PCDHGB7: variants seen among roughly 807,000 people sequenced by gnomAD.
PCDHGB7 encodes the protein protocadherin gamma subfamily B, 7, also known as protocadherin gamma-B7.
In PCDHGB7, 37 loss-of-function variants were observed where a neutral mutation model predicts 61.4. The ratio of observed to expected loss-of-function variants is 0.60; its 90% CI spans 0.46 to 0.79. The LOEUF (loss-of-function observed/expected upper bound fraction) is 0.79, where lower values mean the gene tolerates loss of function less well. Among genes scored for constraint, PCDHGB7 ranks in the 30% least tolerant of loss-of-function variants. The pLI is 0.00. For missense variants in PCDHGB7, 1,166 were observed against 1,202.5 expected, an observed-to-expected ratio of 0.97 and a Z score of 0.45; for synonymous variants, 464 against 503.5, an observed-to-expected ratio of 0.92 and a Z score of 1.05.
chr5:141,456,140 G>A (rs1032104368), intron 1 of PCDHGB7, among the ~76,000 whole-genome samples: 38 of 152,022 alleles, frequency 2.5e-4, no homozygotes, highest in African/African-American at 8.7e-4. Flanking sequence ...CTCCTGATCC[G>A]CCCGCCTCGG....
intron 1 of PCDHGB7, chr5:141,423,372 C>G: frequency 6.2e-7 from 1 of 1,614,178 alleles, no homozygotes; most frequent in Non-Finnish European, 8.5e-7. Context: ...TGCTGGCACT[C>G]AGGCTGTGGC....
chr5:141,425,401 T>C (rs1280463432), intron 1 of PCDHGB7, among the ~76,000 whole-genome samples: 1 of 152,234 alleles, frequency 6.6e-6, no homozygotes, highest in Non-Finnish European at 1.5e-5. Context: ...AAAGTTCTGT[T>C]AAGGTATAAC....
intron 1 of PCDHGB7, among the ~76,000 whole-genome samples, chr5:141,452,300 T>C (rs886540131): frequency 2.0e-5 from 3 of 152,194 alleles, no homozygotes; most frequent in African/African-American, 7.2e-5. Flanking sequence ...TAAGAAAATA[T>C]TAGAGACTCA....
intron 1 of PCDHGB7, chr5:141,426,408 G>A (rs2096933631): frequency 1.2e-5 from 3 of 258,388 alleles, no homozygotes; most frequent in South Asian, 4.8e-5. Flanking sequence ...CAGAAGAAAC[G>A]GTCCAGGGCT....
At chr5:141,510,169 A>G (rs927072830) in intron 3 of PCDHGB7, among the ~76,000 whole-genome samples, 7 of 151,230 alleles carry the variant, frequency 4.6e-5, no homozygotes, top group Non-Finnish European at 1.0e-4. Context: ...GCTACTCAGG[A>G]GGTTGAGGCA....
At chr5:141,478,165 C>G (rs780594020) in intron 1 of PCDHGB7, 13 of 1,613,920 alleles carry the variant, frequency 8.1e-6, no homozygotes, top group African/African-American at 1.3e-5. Flanking sequence ...GCTCTGCCCC[C>G]CGGGAGCAGA....
At chr5:141,450,770 AG>A (rs1354382498) in intron 1 of PCDHGB7, among the ~76,000 whole-genome samples, 1 of 151,448 alleles carries the variant, frequency 6.6e-6, no homozygotes, top group Non-Finnish European at 1.5e-5. Context: ...TACAGGCATG[AG>A]CCACCGTGCC....
intron 1 of PCDHGB7, chr5:141,440,759 C>T (rs1160288117): frequency 1.3e-5 from 2 of 152,158 alleles, no homozygotes; most frequent in Admixed American, 6.6e-5. Flanking sequence ...AAGCAGAGCT[C>T]CCATCCCTTA....
In PCDHGB7 at chr5:141,505,438, T is replaced by C. The variant is rs149352680; in HGVS notation, c.2520T>C (p.Phe840=). The C allele has an allele frequency of 6.8e-6, 11 of 1,614,046 alleles. No homozygotes were observed. The African/African-American group carries it at 1.5e-4, about 22-fold the overall frequency. The stretch of plus-strand genomic sequence containing the variant: ...CCGGCACCTGGCCCAACAACCAGTT[T>C]GACACAGAGATGCTGCAAGCCATGA... ...DDTGTWPNNQ[F]DTEMLQAMIL... Residue 840 remains phenylalanine, a synonymous_variant, in exon 3 of 4, where the codon TTT becomes TTC. Transcript: ENST00000398594.
In PCDHGB7 at chr5:141,489,459, C is replaced by A; in HGVS notation, c.2416-5348C>A. ...AATTGGGCTCTGAGGAGAATGGGCG[C>A]TATTTTTCCCTGAGCTTGATGAGTG... On this transcript the variant is annotated intron_variant, in intron 1 of 3. Transcript: ENST00000398594. The surrounding 1 kb of genome is among the most constrained non-coding windows in gnomAD (Gnocchi z 4.5). 1 of 1,614,086 alleles carries A rather than the reference C, an allele frequency of 6.2e-7. No individual in the cohort carries two copies. The highest frequency in any genetic ancestry group is 8.5e-7 in the Non-Finnish European group (1 of 1,180,012).
Position 141,419,207 on chromosome 5 carries a change from CCGGTTTTCGGACAGT to C in PCDHGB7, c.1350_1364del (p.Val451_Ser455del). The C allele has an allele frequency of 3.1e-6, 5 of 1,613,998 alleles. No individual in the cohort carries two copies. Among genetic ancestry groups the C allele is most frequent in the Non-Finnish European group, 4.2e-6 (5 of 1,179,898 alleles). On this transcript the variant is annotated inframe_deletion, in exon 1 of 4. Transcript: ENST00000398594. ...CATTACTGACGTCAATGACAACGCG[CCGGTTTTCGGACAGT>C]CAGCCTACCTGGTCCACGTGCCAGA...
chr5:141,460,987 A>G (rs201722325), intron 1 of PCDHGB7, among the ~76,000 whole-genome samples: 34 of 92,988 alleles, frequency 3.7e-4, no homozygotes, highest in Middle Eastern at 5.0e-3. Flanking sequence ...GTGTGTGTAT[A>G]TATATATATG....
intron 1 of PCDHGB7, among the ~76,000 whole-genome samples, chr5:141,472,402 G>T (rs569497172): frequency 6.6e-6 from 1 of 152,042 alleles, no homozygotes; most frequent in Non-Finnish European, 1.5e-5. Context: ...TTAGCCAGGC[G>T]TGGTGGCACG....
At chr5:141,492,132 C>A (rs1289132641) in intron 1 of PCDHGB7, among the ~76,000 whole-genome samples, 3 of 152,220 alleles carry the variant, frequency 2.0e-5, no homozygotes, top group African/African-American at 4.8e-5. Context: ...CAGCTCCCAG[C>A]ATCTGTGACT....
Position 141,493,891 on chromosome 5 carries a change from G to A in PCDHGB7, c.2416-916G>A, listed in dbSNP as rs1595204910. On this transcript the variant is annotated intron_variant, in intron 1 of 3. Transcript: ENST00000398594. The surrounding 1 kb of genome is among the most constrained non-coding windows in gnomAD (Gnocchi z 4.3). ...CCAGTGAGGAGGTGGCTCTAGGAGT[G>A]CTCCATGAGAGTGTGTGATGGGATA... Among the ~76,000 whole-genome samples, 1 of 152,300 alleles carries A rather than the reference G, an allele frequency of 6.6e-6. No homozygotes were observed. The highest frequency in any genetic ancestry group is 1.5e-5 in the Non-Finnish European group (1 of 68,018).
intron 1 of PCDHGB7, chr5:141,478,171 G>A (rs141465380): frequency 7.3e-5 from 118 of 1,613,942 alleles, no homozygotes; most frequent in African/African-American, 1.5e-4. Flanking sequence ...CCCCCCGGGA[G>A]CAGAAAAAAA....
chr5:141,429,169 T>TACACACACACACACAC (rs10667977), intron 1 of PCDHGB7: 2 of 145,394 alleles, frequency 1.4e-5, no homozygotes, highest in East Asian at 2.0e-4. Flanking sequence ...ACATTGTTTA[T>TACACACACACACACAC]ACACACACAC....
chr5:141,423,755 G>GGGA, intron 1 of PCDHGB7: 3 of 512,508 alleles, frequency 5.9e-6, no homozygotes, highest in Non-Finnish European at 7.8e-6. Flanking sequence ...CTGTTTGGGG[G>GGGA]GGGGGTGGGG....
Position 141,417,740 on chromosome 5 carries a change from C to A in PCDHGB7, c.-120C>A, listed in dbSNP as rs2096156298. Reference sequence around the variant, plus strand: ...GCTGCGCAGACCTTGCCCAGCACACCAGATTGCCAGCTCCGAGACCCGGGA... The same window carrying A: ...GCTGCGCAGACCTTGCCCAGCACACAAGATTGCCAGCTCCGAGACCCGGGA... On this transcript the variant is annotated 5_prime_UTR_variant, in exon 1 of 4. Transcript: ENST00000398594. The A allele has an allele frequency of 2.1e-6, 3 of 1,413,210 alleles. No individual in the cohort carries two copies. The highest frequency in any genetic ancestry group is 2.5e-5 in the East Asian group (1 of 39,920). The allele number at this position is 1,413,210 out of a possible 1,614,324, so 87.5% of individuals were successfully genotyped here.
Sources: allele counts gnomAD v4.1 joint callset (sites outside exome capture counted in the v4.1 genomes callset), GRCh38; gene constraint gnomAD v4.1.1; non-coding constraint Gnocchi (gnomAD v3.1); transcripts MANE v1.5; gene names NCBI Gene and HGNC (gene_info 2026-07-23, HGNC 2026-07-21).